Variants in NR2F1-AS1 observed in about 807,000 individuals in gnomAD.
NR2F1-AS1 encodes the protein NR2F1 regulatory antisense RNA 1, also known as NR2F1 antisense RNA 1.
intron 4 of NR2F1-AS1, among the ~76,000 whole-genome samples, chr5:93,440,425 T>A (rs1026314485): frequency 1.3e-5 from 2 of 152,222 alleles, no homozygotes; most frequent in Non-Finnish European, 2.9e-5. Context: ...AAGGCCTGAA[T>A]AGAATTAAAG....
chr5:93,454,602 C>T lies in NR2F1-AS1; in HGVS notation n.639-59060G>A, dbSNP rs145992875. ...TTTGCTCTAACGAGGTAACTCTTGG[C>T]GGGCTCCTGAATAGCCTCAGAATGG... On this transcript the variant is annotated intron_variant and non_coding_transcript_variant, in intron 4 of 5. Transcript: ENST00000660523. Among the ~76,000 whole-genome samples, 4 of 152,258 alleles carry T rather than the reference C, an allele frequency of 2.6e-5. No individual in the cohort carries two copies. The East Asian group carries it at 5.8e-4, about 22-fold the overall frequency.
chr5:93,502,094 G>T (rs1751091765), intron 4 of NR2F1-AS1, among the ~76,000 whole-genome samples: 1 of 152,038 alleles, frequency 6.6e-6, no homozygotes, highest in East Asian at 1.9e-4. Context: ...TATGTAAACT[G>T]TTTTTTTAGA....
chr5:93,557,729 A>C (rs1752392772), intron 2 of NR2F1-AS1, among the ~76,000 whole-genome samples: 1 of 152,180 alleles, frequency 6.6e-6, no homozygotes. Flanking sequence ...AAAATAAGAC[A>C]ATAAAGTTTG....
rs1480415974 is a variant in NR2F1-AS1, at chr5:93,518,223, G to A, written n.638+35538C>T. ...AAAATTGCTTTTATGATAAATGTTA[G>A]TAATGTGATACAGACCTAGTGGTAA... On this transcript the variant is annotated intron_variant and non_coding_transcript_variant, in intron 4 of 5. Transcript: ENST00000660523. 2.0e-5 allele frequency among the ~76,000 whole-genome samples: 3 copies of A among 152,236 alleles called. No individual in the cohort carries two copies. In the East Asian group the frequency reaches 5.8e-4, roughly 29 times the overall value.
chr5:93,430,430 C>T (rs1749286633), intron 4 of NR2F1-AS1, among the ~76,000 whole-genome samples: 1 of 152,036 alleles, frequency 6.6e-6, no homozygotes, highest in South Asian at 2.1e-4. Context: ...AAGATGCTGC[C>T]CCAAGGGTCC....
chr5:93,445,577 A>T (rs1749682623), intron 4 of NR2F1-AS1, among the ~76,000 whole-genome samples: 1 of 152,218 alleles, frequency 6.6e-6, no homozygotes, highest in South Asian at 2.1e-4. Flanking sequence ...TCAAAAAAAA[A>T]AATCCAAGAC....
chr5:93,558,977 T>C (rs1317875807), intron 2 of NR2F1-AS1, among the ~76,000 whole-genome samples: 1 of 152,234 alleles, frequency 6.6e-6, no homozygotes, highest in Non-Finnish European at 1.5e-5. Flanking sequence ...GAGCATTGGC[T>C]TCATCTTAAA....
At chr5:93,445,722 C>G (rs1269946755) in intron 4 of NR2F1-AS1, among the ~76,000 whole-genome samples, 3 of 152,138 alleles carry the variant, frequency 2.0e-5, no homozygotes, top group Admixed American at 6.5e-5. Context: ...CATCCTGATA[C>G]CAAAGCCTGG....
chr5:93,574,984 T>C (rs1260396547), intron 1 of NR2F1-AS1, among the ~76,000 whole-genome samples: 1 of 152,236 alleles, frequency 6.6e-6, no homozygotes, highest in African/African-American at 2.4e-5. Context: ...CCCACCCAAC[T>C]TCAAACTTTA....
At chr5:93,520,215 A>C (rs574811989) in intron 4 of NR2F1-AS1, among the ~76,000 whole-genome samples, 1 of 152,228 alleles carries the variant, frequency 6.6e-6, no homozygotes, top group South Asian at 2.1e-4. Flanking sequence ...AGTTTTTAAT[A>C]GTCAGGATTA....
chr5:93,537,032 T>G (rs1249304452), intron 4 of NR2F1-AS1, among the ~76,000 whole-genome samples: 1 of 152,186 alleles, frequency 6.6e-6, no homozygotes, highest in Non-Finnish European at 1.5e-5. Flanking sequence ...TTGTGAGGCC[T>G]CCGCAGCCAT....
Position 93,448,978 on chromosome 5 carries a change from T to C in NR2F1-AS1, n.639-53436A>G, listed in dbSNP as rs960332523. ...ATCACAGTAGGTAGGTAGCTTTGAA[T>C]CTTATTTTCTATCAAGTATCAAGGA... On this transcript the variant is annotated intron_variant and non_coding_transcript_variant, in intron 4 of 5. Coordinates refer to ENST00000660523, the Ensembl canonical transcript of NR2F1-AS1. Among the ~76,000 whole-genome samples the C allele has an allele frequency of 2.6e-5, 4 of 152,298 alleles. No individual in the cohort carries two copies. The East Asian group carries it at 7.7e-4, about 29-fold the overall frequency.
chr5:93,509,380 T>C (rs1279289754), intron 4 of NR2F1-AS1, among the ~76,000 whole-genome samples: 1 of 152,136 alleles, frequency 6.6e-6, no homozygotes, highest in African/African-American at 2.4e-5. Flanking sequence ...TAAACACTTA[T>C]AATGTGGCTA....
chr5:93,450,938 A>C (rs966890959), intron 4 of NR2F1-AS1, among the ~76,000 whole-genome samples: 4 of 146,786 alleles, frequency 2.7e-5, no homozygotes, highest in African/African-American at 1.0e-4. Context: ...AAAAAAAAAA[A>C]ACAGAGAGAG....
At position 93,551,742 on chromosome 5, in the gene NR2F1-AS1, T is replaced by C. The variant is rs556434094; in HGVS notation, n.638+2019A>G. 2.0e-5 allele frequency among the ~76,000 whole-genome samples: 3 copies of C among 152,266 alleles called. No homozygotes were observed. The East Asian group carries it at 5.8e-4, about 29-fold the overall frequency. ...TAGGGAAAGTAATAGAGTTCTTAAGTTCCATTATACTCATTATTGAAATCT... is the reference window on the plus strand; with the variant it reads ...TAGGGAAAGTAATAGAGTTCTTAAGCTCCATTATACTCATTATTGAAATCT... On this transcript the variant is annotated intron_variant and non_coding_transcript_variant, in intron 4 of 5. Transcript: ENST00000660523.
At position 93,425,043 on chromosome 5, in the gene NR2F1-AS1, A is replaced by T. The variant is rs532136744; in HGVS notation, n.639-29501T>A. Among the ~76,000 whole-genome samples, 9 of 152,308 alleles carry T rather than the reference A, an allele frequency of 5.9e-5. No homozygotes were observed. The South Asian group carries it at 1.9e-3, about 32-fold the overall frequency. On this transcript the variant is annotated intron_variant and non_coding_transcript_variant, in intron 4 of 5. Transcript: ENST00000660523. ...TGTACGCTACATATAAATTCTGTGT[A>T]TCAGCTTTGCTGAAAAACAAAACAC...
chr5:93,483,909 TAA>T (rs1750656808), intron 4 of NR2F1-AS1, among the ~76,000 whole-genome samples: 1 of 151,902 alleles, frequency 6.6e-6, no homozygotes, highest in Non-Finnish European at 1.5e-5. Flanking sequence ...GAAAAAAGAA[TAA>T]AAAGAAATGA....
At chr5:93,525,316 C>T (rs1200448152) in intron 4 of NR2F1-AS1, among the ~76,000 whole-genome samples, 1 of 152,162 alleles carries the variant, frequency 6.6e-6, no homozygotes, top group East Asian at 1.9e-4. Context: ...GCTAACTATA[C>T]TAAATATATA....
At chr5:93,480,238 C>A (rs1460761563) in intron 4 of NR2F1-AS1, among the ~76,000 whole-genome samples, 3 of 151,948 alleles carry the variant, frequency 2.0e-5, no homozygotes, top group African/African-American at 7.3e-5. Flanking sequence ...TGCTGATAGA[C>A]AAAGACAGAG....
Sources: allele counts gnomAD v4.1 joint callset (sites outside exome capture counted in the v4.1 genomes callset), GRCh38; gene constraint gnomAD v4.1.1; transcripts MANE v1.5; gene names NCBI Gene and HGNC (gene_info 2026-07-23, HGNC 2026-07-21).